The following ADGRL3 variants were observed in gnomAD, a reference collection of about 807,000 sequenced individuals.
ADGRL3 encodes calcium-independent alpha-latrotoxin receptor 3.
Under a neutral mutation model 153.5 loss-of-function variants are expected in ADGRL3, and 62 were observed. The ratio of observed to expected loss-of-function variants is 0.40; its 90% CI spans 0.33 to 0.50. ADGRL3 has a LOEUF of 0.50. Among genes scored for constraint, ADGRL3 ranks in the 20% least tolerant of loss-of-function variants. ADGRL3 has a pLI of 0.47. For missense variants in ADGRL3, 1,641 were observed against 1,859.4 expected, an observed-to-expected ratio of 0.88 and a Z score of 2.16; for synonymous variants, 710 against 672.5, an observed-to-expected ratio of 1.06 and a Z score of -0.86.
chr4:61,588,526 G>A lies in ADGRL3; in HGVS notation c.473+1086G>A, dbSNP rs377315180. Among the ~76,000 whole-genome samples the A allele has an allele frequency of 2.7e-4, 41 of 152,064 alleles. 1 individual carries two copies. The highest frequency in any genetic ancestry group is 9.4e-4 in the African/African-American group (39 of 41,542). On this transcript the variant is annotated intron_variant, in intron 5 of 26. Coordinates refer to ENST00000683033, the MANE Select transcript of ADGRL3 (RefSeq NM_001387552.1). ...TCAGGTTTTTGATGATTAAAGCACT[G>A]ATGTGTACTTGAAGGGTAATGAAAT...
At chr4:61,659,675 T>A (rs971340097) in intron 5 of ADGRL3, among the ~76,000 whole-genome samples, 1 of 152,138 alleles carries the variant, frequency 6.6e-6, no homozygotes, top group African/African-American at 2.4e-5. Flanking sequence ...CCCAGGATCT[T>A]CATTGTTCAT....
chr4:61,537,563 C>A (rs2152980695), intron 4 of ADGRL3, among the ~76,000 whole-genome samples: 1 of 152,038 alleles, frequency 6.6e-6, no homozygotes, highest in African/African-American at 2.4e-5. Context: ...AGGCTTTGTT[C>A]ATTAAAAAAA....
At chr4:61,703,560 TG>T (rs1488851908) in intron 6 of ADGRL3, among the ~76,000 whole-genome samples, 1 of 152,110 alleles carries the variant, frequency 6.6e-6, no homozygotes, top group African/African-American at 2.4e-5. Context: ...AATAATTTTT[TG>T]ATTTTAGAGT....
At chr4:61,946,805 C>T (rs1170712588) in intron 15 of ADGRL3, 109 bp from the exon 16 acceptor site, 4 of 833,662 alleles carry the variant, frequency 4.8e-6, no homozygotes, top group African/African-American at 1.7e-5. Context: ...GAAATGAATG[C>T]TGGATTTTTT....
chr4:61,544,928 CT>C (rs764015492), intron 4 of ADGRL3, among the ~76,000 whole-genome samples: 1 of 151,738 alleles, frequency 6.6e-6, no homozygotes, highest in Admixed American at 6.6e-5. Flanking sequence ...TTCTTTTACT[CT>C]TTTTTTTCAG....
chr4:61,853,317 A>G (rs1184863136), intron 9 of ADGRL3, among the ~76,000 whole-genome samples: 1 of 152,128 alleles, frequency 6.6e-6, no homozygotes, highest in African/African-American at 2.4e-5. Context: ...GTTTTAGGAG[A>G]TCTATGCTAG....
chr4:61,676,737 A>G, intron 5 of ADGRL3, 89 bp from the exon 6 acceptor site: 1 of 916,902 alleles, frequency 1.1e-6, no homozygotes, highest in Non-Finnish European at 1.8e-6. Flanking sequence ...AATCTGTATA[A>G]CAGGAACTAA....
chr4:61,536,047 G>GT (rs1342007586), intron 4 of ADGRL3, among the ~76,000 whole-genome samples: 5 of 151,588 alleles, frequency 3.3e-5, no homozygotes, highest in Non-Finnish European at 5.9e-5. Context: ...AAACTTTGCT[G>GT]TTTTTTTGCT....
At chr4:61,609,640 T>G (rs1316425302) in intron 5 of ADGRL3, among the ~76,000 whole-genome samples, 1 of 152,132 alleles carries the variant, frequency 6.6e-6, no homozygotes, top group Non-Finnish European at 1.5e-5. Flanking sequence ...TCCTGAATTT[T>G]CTTTCCTGTA....
intron 6 of ADGRL3, among the ~76,000 whole-genome samples, chr4:61,716,031 A>G (rs1165013264): frequency 2.0e-5 from 3 of 151,370 alleles, no homozygotes; most frequent in Non-Finnish European, 4.4e-5. Context: ...TTATTCCTCA[A>G]TTACCAGCTT....
At chr4:61,708,441 TA>T (rs895182073) in intron 6 of ADGRL3, among the ~76,000 whole-genome samples, 20 of 151,896 alleles carry the variant, frequency 1.3e-4, no homozygotes, top group African/African-American at 3.4e-4. Context: ...AAAGGTACTT[TA>T]AAAAAATCTA....
At chr4:61,457,146 G>A (rs746772741) in intron 2 of ADGRL3, among the ~76,000 whole-genome samples, 6 of 151,452 alleles carry the variant, frequency 4.0e-5, no homozygotes, top group African/African-American at 1.2e-4. Context: ...ATCAATCTCC[G>A]TTTATTAAAA....
intron 1 of ADGRL3, among the ~76,000 whole-genome samples, chr4:61,294,069 A>G (rs1175002998): frequency 6.6e-6 from 1 of 152,172 alleles, no homozygotes; most frequent in Non-Finnish European, 1.5e-5. Context: ...GAAAGTATAC[A>G]CATTCAGTAG....
At chr4:61,695,297 G>T (rs1433054317) in intron 6 of ADGRL3, among the ~76,000 whole-genome samples, 1 of 152,104 alleles carries the variant, frequency 6.6e-6, no homozygotes, top group African/African-American at 2.4e-5. Context: ...TTACGCTTTG[G>T]TCCATGGGCT....
At position 62,077,166 on chromosome 4, in the gene ADGRL3, C is replaced by T. The variant is rs1241164894; in HGVS notation, c.*6258C>T. ...CAAATGCGCCTTTCATTCTAGAATACTAAAGGAAAGCGTTTGAAAGAAGAG... is the reference window on the plus strand; with the variant it reads ...CAAATGCGCCTTTCATTCTAGAATATTAAAGGAAAGCGTTTGAAAGAAGAG... On this transcript the variant is annotated 3_prime_UTR_variant, in exon 27 of 27. Transcript: ENST00000683033. The T allele has an allele frequency of 6.6e-6, 1 of 151,844 alleles. No individual in the cohort carries two copies. The highest frequency in any genetic ancestry group is 1.9e-4 in the East Asian group (1 of 5,182). 9.4% of individuals were successfully genotyped at this position (151,844 alleles called of 1,614,324 possible). A position where few individuals can be genotyped will look rare whatever the true frequency, so the allele number is the denominator to read the frequency against.
chr4:61,363,536 T>G (rs1306005739), intron 1 of ADGRL3, among the ~76,000 whole-genome samples: 1 of 152,184 alleles, frequency 6.6e-6, no homozygotes, highest in Non-Finnish European at 1.5e-5. Context: ...ACATGTTGCT[T>G]TGCAGCTGTG....
intron 5 of ADGRL3, among the ~76,000 whole-genome samples, chr4:61,631,517 G>A (rs1419961585): frequency 6.6e-6 from 1 of 152,148 alleles, no homozygotes; most frequent in East Asian, 1.9e-4. Flanking sequence ...TCAACGATTA[G>A]TAAATGCTAA....
At chr4:61,547,554 C>T (rs958758239) in intron 4 of ADGRL3, among the ~76,000 whole-genome samples, 1 of 151,610 alleles carries the variant, frequency 6.6e-6, no homozygotes, top group Non-Finnish European at 1.5e-5. Context: ...GGATAATGTC[C>T]TCAAGCTCCA....
chr4:61,679,291 A>AT lies in ADGRL3; in HGVS notation c.583+2357dup, dbSNP rs139380690. ...AGCCATTTATGAGGGATCTGCCCCC[A>AT]TGACACAAATATATCCTGCGTGGCC... On this transcript the variant is annotated intron_variant, in intron 6 of 26. Transcript: ENST00000683033. 2.9e-3 allele frequency among the ~76,000 whole-genome samples: 437 copies of AT among 152,142 alleles called. 1 individual carries two copies. Among genetic ancestry groups the AT allele is most frequent in the African/African-American group, 0.01 (423 of 41,548 alleles).
Sources: gnomAD v4.1 joint callset for allele counts (sites outside exome capture counted in the v4.1 genomes callset) on GRCh38, gnomAD v4.1.1 for gene constraint, MANE v1.5 for transcripts, NCBI Gene and HGNC (gene_info 2026-07-23, HGNC 2026-07-21) for gene names.